The following MBNL2 variants were observed in gnomAD, a reference collection of about 807,000 sequenced individuals.
MBNL2 encodes muscleblind like splicing regulator 2, also known as muscleblind-like protein 2.
A neutral mutation model predicts 41.9 loss-of-function variants in MBNL2; 17 were observed. The ratio of observed to expected loss-of-function variants is 0.41; its 90% CI spans 0.28 to 0.61. The LOEUF (loss-of-function observed/expected upper bound fraction) is 0.61, where lower values mean the gene tolerates loss of function less well. Ranked by LOEUF, MBNL2 falls within the 20% of genes least tolerant of loss-of-function variation. The probability of loss-of-function intolerance (pLI) is 0.35; values close to 1 mark genes in which losing one functional copy is unlikely to be tolerated. For missense variants in MBNL2, 336 were observed against 505.6 expected, an observed-to-expected ratio of 0.66 and a Z score of 3.22; for synonymous variants, 195 against 182.9, an observed-to-expected ratio of 1.07 and a Z score of -0.53.
chr13:97,369,623 T>G (rs2064173147), intron 8 of MBNL2, among the ~76,000 whole-genome samples: 1 of 152,202 alleles, frequency 6.6e-6, no homozygotes, highest in African/African-American at 2.4e-5. Context: ...TACAAGTCAT[T>G]GATTGAAGAA....
the MBNL2 span, among the ~76,000 whole-genome samples, chr13:97,181,642 T>C: frequency 6.6e-6 from 1 of 152,226 alleles, no homozygotes; most frequent in Non-Finnish European, 1.5e-5. Context: ...GTTCAGCTTT[T>C]TTCAGGAGGC....
the MBNL2 span, among the ~76,000 whole-genome samples, chr13:97,201,666 A>T: frequency 6.6e-6 from 1 of 152,208 alleles, no homozygotes; most frequent in African/African-American, 2.4e-5. Flanking sequence ...TAATCTTCAG[A>T]AGGTTCTATA....
chr13:97,174,897 C>T, the MBNL2 span, among the ~76,000 whole-genome samples: 1 of 152,104 alleles, frequency 6.6e-6, no homozygotes, highest in Non-Finnish European at 1.5e-5. Context: ...ATCTTCAGTC[C>T]TTTCTCCCAC....
chr13:97,258,169 G>A (rs867381233), intron 1 of MBNL2, among the ~76,000 whole-genome samples: 13 of 151,888 alleles, frequency 8.6e-5, no homozygotes, highest in African/African-American at 2.2e-4. Flanking sequence ...CTAATAACTC[G>A]TGGTGTCACA....
chr13:97,163,028 C>G, the MBNL2 span, among the ~76,000 whole-genome samples: 27 of 152,240 alleles, frequency 1.8e-4, no homozygotes, highest in African/African-American at 6.3e-4. Flanking sequence ...CTTTGTCAAC[C>G]TGAGCTGCAG....
the MBNL2 span, among the ~76,000 whole-genome samples, chr13:97,187,801 G>T: frequency 2.0e-5 from 3 of 151,578 alleles, no homozygotes; most frequent in African/African-American, 7.3e-5. Flanking sequence ...CAGCTACTCC[G>T]GAGGCTGAGG....
chr13:97,147,769 T>G, the MBNL2 span, among the ~76,000 whole-genome samples: 1 of 152,112 alleles, frequency 6.6e-6, no homozygotes, highest in Non-Finnish European at 1.5e-5. Flanking sequence ...CCAAGGCTTG[T>G]TTTCATGAGG....
chr13:97,380,042 T>C (rs1200318552), intron 8 of MBNL2, among the ~76,000 whole-genome samples: 2 of 152,152 alleles, frequency 1.3e-5, no homozygotes, highest in African/African-American at 4.8e-5. Context: ...TATAAAATGG[T>C]TCTTCTTGCA....
chr13:97,338,877 C>G (rs925234660), intron 3 of MBNL2, among the ~76,000 whole-genome samples: 2 of 152,084 alleles, frequency 1.3e-5, no homozygotes, highest in Non-Finnish European at 2.9e-5. Flanking sequence ...ACGAGTGGGA[C>G]GACGGCATTC....
chr13:97,311,826 T>TA (rs2058637748), intron 2 of MBNL2, among the ~76,000 whole-genome samples: 1 of 152,228 alleles, frequency 6.6e-6, no homozygotes. Flanking sequence ...AGCAGCCTCC[T>TA]AAGCCTCCTC....
At chr13:97,328,812 A>G (rs1309088073) in intron 2 of MBNL2, among the ~76,000 whole-genome samples, 1 of 152,084 alleles carries the variant, frequency 6.6e-6, no homozygotes, top group African/African-American at 2.4e-5. Flanking sequence ...ATAGTCTTCT[A>G]TGTTTTCTTT....
chr13:97,362,172 G>C (rs1402658715), intron 7 of MBNL2, among the ~76,000 whole-genome samples: 3 of 152,010 alleles, frequency 2.0e-5, no homozygotes, highest in African/African-American at 7.3e-5. Context: ...GGAATATTTG[G>C]ATTACATTAA....
rs1265066724 is a variant in MBNL2 at position 97,268,215 on chromosome 13, C to T, written c.-604-7417C>T. Reference sequence around the variant, plus strand: ...GTTCAAGTGATTCTCATGTCTCAGCCTCCTGAATAGCTGGGATTACAGGCG... The same window carrying T: ...GTTCAAGTGATTCTCATGTCTCAGCTTCCTGAATAGCTGGGATTACAGGCG... On this transcript the variant is annotated intron_variant, in intron 1 of 8. Transcript: ENST00000679496. The surrounding 1 kb of genome is among the most constrained non-coding windows in gnomAD (Gnocchi z 4.6). 6.6e-6 allele frequency among the ~76,000 whole-genome samples: 1 copy of T among 152,204 alleles called. No homozygotes were observed. The highest frequency in any genetic ancestry group is 1.5e-5 in the Non-Finnish European group (1 of 68,044).
chr13:97,308,763 G>A (rs1042346363), intron 2 of MBNL2, among the ~76,000 whole-genome samples: 8 of 152,166 alleles, frequency 5.3e-5, no homozygotes, highest in Admixed American at 3.9e-4. Context: ...CACTTTGGGG[G>A]AGTTGAGAAA....
In MBNL2 at chr13:97,282,136, C is replaced by T. The variant is rs189559132; in HGVS notation, c.174+5727C>T. Among the ~76,000 whole-genome samples, 103 of 151,984 alleles carry T rather than the reference C, an allele frequency of 6.8e-4. No homozygotes were observed. The Middle Eastern group carries it at 0.01, about 15-fold the overall frequency. On this transcript the variant is annotated intron_variant, in intron 2 of 8. Coordinates refer to ENST00000679496, the MANE Select transcript of MBNL2 (RefSeq NM_001382683.1). ...GGAGGCAAAGGCAAGAGGATTCCTC[C>T]AGCCTTGGGAGATCAAGACCAGCCT...
chr13:97,169,470 A>T, the MBNL2 span, among the ~76,000 whole-genome samples: 2 of 152,194 alleles, frequency 1.3e-5, no homozygotes, highest in Admixed American at 6.5e-5. Context: ...TGTGTCCCCA[A>T]CCAGAGGCAG....
Position 97,268,690 on chromosome 13 carries a change from T to C in MBNL2, c.-604-6942T>C, listed in dbSNP as rs1594122263. On this transcript the variant is annotated intron_variant, in intron 1 of 8. Transcript: ENST00000679496. This position sits in a 1 kb window ranked among gnomAD's most constrained non-coding sequence, Gnocchi z 4.6. ...TCCTTGGAGGAGGATCAGGAGCTCA[T>C]TCAACAAACATTTGTCCAGTATATT... 6.6e-6 allele frequency among the ~76,000 whole-genome samples: 1 copy of C among 152,350 alleles called. No individual in the cohort carries two copies. The highest frequency in any genetic ancestry group is 2.4e-5 in the African/African-American group (1 of 41,570).
intron 1 of MBNL2, among the ~76,000 whole-genome samples, chr13:97,264,322 C>T (rs565478152): frequency 2.6e-5 from 4 of 152,236 alleles, no homozygotes; most frequent in East Asian, 1.9e-4. Context: ...CCACTGTGCC[C>T]GGCAGAGAAG....
intron 1 of MBNL2, among the ~76,000 whole-genome samples, chr13:97,252,100 T>G (rs2046675158): frequency 6.6e-6 from 1 of 151,962 alleles, no homozygotes; most frequent in Non-Finnish European, 1.5e-5. Flanking sequence ...TCCACCCGCC[T>G]CGGCCTCCCA....
Sources: allele counts gnomAD v4.1 joint callset (sites outside exome capture counted in the v4.1 genomes callset), GRCh38; gene constraint gnomAD v4.1.1; non-coding constraint Gnocchi (gnomAD v3.1); transcripts MANE v1.5; gene names NCBI Gene and HGNC (gene_info 2026-07-23, HGNC 2026-07-21).